UFL1: variants seen among roughly 807,000 people sequenced by gnomAD.
UFL1 encodes the protein E3 UFM1-protein ligase 1.
Under a neutral mutation model 99.3 loss-of-function variants are expected in UFL1, and 78 were observed. The ratio of observed to expected loss-of-function variants is 0.79; its 90% CI spans 0.65 to 0.95. The LOEUF (loss-of-function observed/expected upper bound fraction) is 0.95, where lower values mean the gene tolerates loss of function less well. Among genes scored for constraint, UFL1 ranks in the 40% least tolerant of loss-of-function variants. The probability of loss-of-function intolerance (pLI) is 0.00; values close to 1 mark genes in which losing one functional copy is unlikely to be tolerated. For missense variants in UFL1, 936 were observed against 937.0 expected (o/e 1.00, Z 0.01); for synonymous variants, 335 against 322.2 (o/e 1.04, Z -0.42).
chr6:96,547,076 T>C (rs916286970), intron 12 of UFL1, among the ~76,000 whole-genome samples: 1 of 151,638 alleles, frequency 6.6e-6, no homozygotes, highest in East Asian at 1.9e-4. Flanking sequence ...GGAGAAAATA[T>C]ATGCGAATTA....
At position 96,543,014 on chromosome 6, in the gene UFL1, C is replaced by T. The variant is rs746823283; in HGVS notation, c.1400C>T (p.Thr467Ile). ...GATGATGAATCTCAATCATCCCACA[C>T]TGGTAGGTAGCTTTTCTTTACTTTT... ...DSDDESQSSH[T>I]GKKKPEISFM... Residue 467 changes from threonine to isoleucine, a missense_variant and splice_region_variant, in exon 12 of 19, where the codon ACT becomes ATT. Physicochemically the swap from Thr to Ile is moderately conservative, Grantham distance 89. Transcript: ENST00000369278. 3.1e-6 allele frequency: 5 copies of T among 1,588,258 alleles called. No homozygotes were observed. Among genetic ancestry groups the T allele is most frequent in the Non-Finnish European group, 4.3e-6 (5 of 1,167,644 alleles).
At chr6:96,530,850 G>A (rs566787476) in intron 6 of UFL1, among the ~76,000 whole-genome samples, 1 of 152,096 alleles carries the variant, frequency 6.6e-6, no homozygotes, top group Non-Finnish European at 1.5e-5. Context: ...TCACTATTCG[G>A]TTCTCACTGC....
intron 2 of UFL1, among the ~76,000 whole-genome samples, chr6:96,523,625 G>T (rs545079398): frequency 4.1e-4 from 62 of 152,254 alleles, no homozygotes; most frequent in Non-Finnish European, 6.8e-4. Flanking sequence ...TGGTAATTGT[G>T]AAGGGGGACA....
chr6:96,526,249 A>C, intron 4 of UFL1, 72 bp from the exon 5 acceptor site: 1 of 1,308,748 alleles, frequency 7.6e-7, no homozygotes, highest in South Asian at 1.3e-5. Context: ...AACGGAAATT[A>C]AACATAAAAT....
At chr6:96,540,467 T>C in intron 10 of UFL1, 68 bp from the exon 11 acceptor site, 4 of 1,537,036 alleles carry the variant, frequency 2.6e-6, no homozygotes, top group Non-Finnish European at 3.5e-6. Context: ...AGTGAGTATA[T>C]AAACAACTTT....
rs1770134564 is a variant in UFL1 at position 96,554,967 on chromosome 6, A to G, written c.*1464A>G. 1 of 152,744 alleles carries G rather than the reference A, an allele frequency of 6.5e-6. No homozygotes were observed. The highest frequency in any genetic ancestry group is 1.9e-4 in the East Asian group (1 of 5,188). 9.5% of individuals were successfully genotyped at this position (152,744 alleles called of 1,614,324 possible). ...TCAACCTTTAAGAACCTTATCATTTATGTTTCAGTAGATATCAAAGTAATC... is the reference window on the plus strand; with the variant it reads ...TCAACCTTTAAGAACCTTATCATTTGTGTTTCAGTAGATATCAAAGTAATC... On this transcript the variant is annotated 3_prime_UTR_variant, in exon 19 of 19. Coordinates refer to ENST00000369278, the MANE Select transcript of UFL1 (RefSeq NM_015323.5).
intron 5 of UFL1, among the ~76,000 whole-genome samples, chr6:96,528,114 T>G (rs1287321510): frequency 6.6e-6 from 1 of 152,170 alleles, no homozygotes; most frequent in Non-Finnish European, 1.5e-5. Context: ...CCAGAAAGGG[T>G]CTTCTCCAAT....
intron 6 of UFL1, among the ~76,000 whole-genome samples, chr6:96,529,539 A>G (rs994355026): frequency 5.9e-5 from 9 of 152,250 alleles, no homozygotes; most frequent in African/African-American, 1.7e-4. Context: ...TTGCAGCAGC[A>G]TTTAACTCCA....
At chr6:96,537,325 T>G in intron 8 of UFL1, 49 bp from the exon 9 acceptor site, 3 of 1,470,698 alleles carry the variant, frequency 2.0e-6, no homozygotes, top group Non-Finnish European at 2.7e-6. Flanking sequence ...TTCACTTTTG[T>G]CTTACATGTA....
At chr6:96,550,522 T>C (rs1770063010) in intron 15 of UFL1, among the ~76,000 whole-genome samples, 1 of 152,000 alleles carries the variant, frequency 6.6e-6, no homozygotes, top group Admixed American at 6.6e-5. Context: ...TGGTCTTTGG[T>C]GATGTAGTTA....
At chr6:96,552,692 T>A (rs1021250773) in intron 18 of UFL1, 30 bp downstream of exon 18, 2 of 1,554,510 alleles carry the variant, frequency 1.3e-6, no homozygotes, top group African/African-American at 1.4e-5. Flanking sequence ...CTTGAAACTT[T>A]CAAAGATTTA....
At chr6:96,544,939 T>G (rs979783643) in intron 12 of UFL1, among the ~76,000 whole-genome samples, 1 of 151,016 alleles carries the variant, frequency 6.6e-6, no homozygotes, top group Non-Finnish European at 1.5e-5. Context: ...GAAAAAAAAT[T>G]TATGTTGTAA....
rs1421340267 is a variant in UFL1 at position 96,536,279 on chromosome 6, C to T, written c.691C>T (p.Arg231Ter). 6.2e-6 allele frequency: 10 copies of T among 1,610,144 alleles called. No individual in the cohort carries two copies. Among genetic ancestry groups the T allele is most frequent in the South Asian group, 3.3e-5 (3 of 90,776 alleles). ...GGAACTTGTTAATAGCGGACGCTTACGAGGCACTGTGGTTGGTGGGAGACA... is the reference window on the plus strand; with the variant it reads ...GGAACTTGTTAATAGCGGACGCTTATGAGGCACTGTGGTTGGTGGGAGACA... Reference protein sequence around the residue: ...LEELVNSGRLRGTVVGGRQDK... With the variant: ...LEELVNSGRL Residue 231 changes from arginine (R) to a stop codon, truncating the protein, a stop_gained, in exon 8 of 19, where the codon CGA becomes TGA. Coordinates refer to ENST00000369278, the MANE Select transcript of UFL1 (RefSeq NM_015323.5). LOFTEE classifies it high-confidence loss of function.
At chr6:96,538,435 A>T (rs1439883105) in intron 9 of UFL1, among the ~76,000 whole-genome samples, 196 bp from the exon 10 acceptor site, 1 of 151,680 alleles carries the variant, frequency 6.6e-6, no homozygotes, top group East Asian at 1.9e-4. Flanking sequence ...GAAGGTAGGC[A>T]ATAGAATATA....
At chr6:96,533,478 A>G (rs1769811078) in intron 6 of UFL1, among the ~76,000 whole-genome samples, 1 of 152,086 alleles carries the variant, frequency 6.6e-6, no homozygotes, top group Non-Finnish European at 1.5e-5. Context: ...AAACACAGAA[A>G]GGAGACCACA....
chr6:96,536,475 T>C, intron 8 of UFL1, 85 bp downstream of exon 8: 1 of 971,548 alleles, frequency 1.0e-6, no homozygotes, highest in Non-Finnish European at 1.4e-6. Flanking sequence ...CCTAGAGTCC[T>C]CCTTTGATCT....
chr6:96,525,285 T>A lies in UFL1; in HGVS notation c.253-12T>A. On this transcript the variant is annotated splice_polypyrimidine_tract_variant and intron_variant, in intron 3 of 18. Transcript: ENST00000369278. ...AAACTAATCATTAATAGATTTTGTATTTGTTTTCCAGGTAATTAATGTGGA... is the reference window on the plus strand; with the variant it reads ...AAACTAATCATTAATAGATTTTGTAATTGTTTTCCAGGTAATTAATGTGGA... The A allele has an allele frequency of 1.3e-6, 2 of 1,534,496 alleles. No individual in the cohort carries two copies. Among genetic ancestry groups the A allele is most frequent in the Non-Finnish European group, 1.8e-6 (2 of 1,116,120 alleles).
Position 96,553,265 on chromosome 6 carries a change from TTTTC to T in UFL1, c.2167-15_2167-12del. On this transcript the variant is annotated splice_polypyrimidine_tract_variant and intron_variant, in intron 18 of 18. Transcript: ENST00000369278. ...AAAAAGATAAATTGTGTTGATTAAC[TTTTC>T]TTTCCCTTTTCACAGGATCAGCATG... 2 of 1,604,106 alleles carry T rather than the reference TTTTC, an allele frequency of 1.2e-6. No individual in the cohort carries two copies. The highest frequency in any genetic ancestry group is 1.7e-6 in the Non-Finnish European group (2 of 1,174,558).
chr6:96,525,961 C>T (rs768672632), intron 4 of UFL1, among the ~76,000 whole-genome samples: 15 of 151,862 alleles, frequency 9.9e-5, no homozygotes, highest in South Asian at 2.1e-4. Flanking sequence ...TGGCTCGCAC[C>T]TGTAGTCCCA....
Sources: allele counts gnomAD v4.1 joint callset (sites outside exome capture counted in the v4.1 genomes callset), GRCh38; gene constraint gnomAD v4.1.1; transcripts MANE v1.5; gene names NCBI Gene and HGNC (gene_info 2026-07-23, HGNC 2026-07-21).